Variants in TRIM58 observed in about 807,000 individuals in gnomAD.
The protein encoded by TRIM58 is tripartite motif containing 58.
A neutral mutation model predicts 34.1 loss-of-function variants in TRIM58; 38 were observed. The observed-to-expected ratio is 1.12, with a 90% CI of 0.86 to 1.46. The LOEUF (loss-of-function observed/expected upper bound fraction) is 1.46. Ranked by LOEUF, TRIM58 falls within the 40% of genes most tolerant of loss-of-function variation. The pLI, the probability that TRIM58 is intolerant of heterozygous loss-of-function variation, is 0.00. For missense variants in TRIM58, 677 were observed against 642.0 expected (o/e 1.05, Z -0.59); for synonymous variants, 273 against 275.7 (o/e 0.99, Z 0.10).
At position 247,857,323 on chromosome 1, in the gene TRIM58, C is replaced by T; in HGVS notation, c.77C>T (p.Pro26Leu). ...CPVCLDFLQE[P>L]VSVDCGHSFC... ...GTGTGCCTGGATTTCCTGCAGGAGC[C>T]GGTCAGCGTGGACTGCGGCCACAGC... Residue 26 changes from proline (P) to leucine (L), a missense_variant, in exon 1 of 6, where the codon CCG (proline) becomes CTG (leucine). Physicochemically the swap from Pro to Leu is moderately conservative, Grantham distance 98. Coordinates refer to ENST00000366481, the MANE Select transcript of TRIM58 (RefSeq NM_015431.4). The T allele has an allele frequency of 1.4e-6, 2 of 1,456,726 alleles. No homozygotes were observed. The highest frequency in any genetic ancestry group is 9.1e-7 in the Non-Finnish European group (1 of 1,099,560). The allele number at this position is 1,456,726 out of a possible 1,614,324, so 90.2% of individuals were successfully genotyped here.
At chr1:247,875,286 C>G (rs1311491026) in intron 5 of TRIM58, among the ~76,000 whole-genome samples, 1 of 130,486 alleles carries the variant, frequency 7.7e-6, no homozygotes, top group Non-Finnish European at 1.6e-5. Context: ...TAATAAAATT[C>G]TATAGATTTT....
At chr1:247,857,726 C>A in intron 1 of TRIM58, 60 bp downstream of exon 1, 1 of 1,204,746 alleles carries the variant, frequency 8.3e-7, no homozygotes, top group Non-Finnish European at 1.0e-6. Context: ...GGGCGACAGT[C>A]CGGAGCGGAG....
intron 3 of TRIM58, among the ~76,000 whole-genome samples, chr1:247,865,461 T>A (rs1267948802): frequency 6.6e-6 from 1 of 152,230 alleles, no homozygotes; most frequent in Non-Finnish European, 1.5e-5. Flanking sequence ...AAAGTCTGCA[T>A]AATACATTTC....
chr1:247,863,364 C>G (rs1359727508), intron 2 of TRIM58, among the ~76,000 whole-genome samples: 5 of 151,926 alleles, frequency 3.3e-5, no homozygotes, highest in African/African-American at 1.2e-4. Flanking sequence ...ACGGTGAAAC[C>G]CTGTCTCTAC....
At chr1:247,859,488 A>G (rs60344373) in intron 1 of TRIM58, among the ~76,000 whole-genome samples, 44,057 of 151,888 alleles carry the variant, frequency 0.29, 6,515 homozygotes, top group African/African-American at 0.33. Flanking sequence ...ATAATTTTTT[A>G]ATTAAAATCC....
chr1:247,873,481 A>C (rs1012423946), intron 5 of TRIM58, among the ~76,000 whole-genome samples: 2 of 152,314 alleles, frequency 1.3e-5, no homozygotes, highest in African/African-American at 4.8e-5. Flanking sequence ...AGATTGTGTT[A>C]AATGCACAAT....
In TRIM58 at chr1:247,879,940, C is replaced by G. The variant is rs142631182; in HGVS notation, c.*3451C>G. Among the ~76,000 whole-genome samples the G allele has an allele frequency of 3.1e-3, 469 of 152,004 alleles. 2 individuals are homozygous for G. Among genetic ancestry groups the G allele is most frequent in the African/African-American group, 0.01 (419 of 41,462 alleles). ...TCCCCATACAGTACGTGTCGTCGTA[C>G]TATATTGTTAGGCTTATTTAATTTA... is the stretch of plus-strand genomic sequence containing the variant. On this transcript the variant is annotated 3_prime_UTR_variant, in exon 6 of 6. Transcript: ENST00000366481.
At chr1:247,866,331 C>T (rs144744749) in intron 3 of TRIM58, among the ~76,000 whole-genome samples, 103 of 152,090 alleles carry the variant, frequency 6.8e-4, no homozygotes, top group African/African-American at 2.3e-3. Flanking sequence ...CATGTGCCAC[C>T]GCACCTGGCT....
In TRIM58 at chr1:247,857,582, G is replaced by A. The variant is rs762414807; in HGVS notation, c.336G>A (p.Ala112=). Reference sequence around the variant, plus strand: ...GCCGCTTCTGCGAGGAGGACGAGGCGGCGCTGTGCTGGGTGTGCGACGCCG... The same window carrying A: ...GCCGCTTCTGCGAGGAGGACGAGGCAGCGCTGTGCTGGGTGTGCGACGCCG... The part of the protein sequence containing the change: ...DLSRFCEEDE[A]ALCWVCDAGP... The change falls in exon 1 of 6, where the codon GCG becomes GCA. Residue 112 remains alanine (A), a synonymous_variant. Coordinates refer to ENST00000366481, the MANE Select transcript of TRIM58 (RefSeq NM_015431.4). 30 of 1,264,644 alleles carry A rather than the reference G, an allele frequency of 2.4e-5. No homozygotes were observed. Among genetic ancestry groups the A allele is most frequent in the Middle Eastern group, 3.0e-4 (1 of 3,282 alleles). 78.3% of individuals were successfully genotyped at this position (1,264,644 alleles called of 1,614,324 possible).
chr1:247,864,650 G>A, intron 2 of TRIM58, 55 bp from the exon 3 acceptor site: 3 of 1,578,866 alleles, frequency 1.9e-6, no homozygotes, highest in Non-Finnish European at 2.6e-6. Context: ...GCACTGTCCT[G>A]TACATGGCTG....
intron 2 of TRIM58, 142 bp downstream of exon 2, chr1:247,860,854 G>A (rs1663776292): frequency 1.7e-6 from 1 of 601,602 alleles, no homozygotes; most frequent in African/African-American, 1.9e-5. Context: ...GCCATCCTGG[G>A]TCATCCCGTC....
intron 1 of TRIM58, among the ~76,000 whole-genome samples, chr1:247,858,812 G>A (rs189363129): frequency 2.1e-4 from 30 of 145,418 alleles, no homozygotes; most frequent in African/African-American, 7.3e-4. Flanking sequence ...TCAGGCTGGA[G>A]GGCAGTGGCG....
Position 247,878,884 on chromosome 1 carries a change from A to C in TRIM58, c.*2395A>C, listed in dbSNP as rs1005784365. ...ACCAATGTGAGTCTTCATCTCTTGC[A>C]TTCTTAGGTTCATAGTTTTGTGTGT... On this transcript the variant is annotated 3_prime_UTR_variant, in exon 6 of 6. Transcript: ENST00000366481. Among the ~76,000 whole-genome samples the C allele has an allele frequency of 3.9e-5, 6 of 152,100 alleles. No homozygotes were observed. The highest frequency in any genetic ancestry group is 1.3e-4 in the Admixed American group (2 of 15,274).
chr1:247,875,220 A>T (rs183988425), intron 5 of TRIM58, among the ~76,000 whole-genome samples: 1 of 152,328 alleles, frequency 6.6e-6, no homozygotes, highest in East Asian at 1.9e-4. Flanking sequence ...CATGGGGTCC[A>T]TCTTAGAATT....
intron 1 of TRIM58, among the ~76,000 whole-genome samples, chr1:247,858,207 T>A (rs1663686006): frequency 6.6e-6 from 1 of 152,188 alleles, no homozygotes; most frequent in East Asian, 1.9e-4. Context: ...CCTCCTGAAG[T>A]AGGAGCGGGT....
At chr1:247,869,317 G>GGA (rs1664005869) in intron 5 of TRIM58, among the ~76,000 whole-genome samples, 1 of 152,170 alleles carries the variant, frequency 6.6e-6, no homozygotes. Flanking sequence ...AGAGGTGGGG[G>GGA]GGGGTGAGGC....
chr1:247,873,014 T>C (rs1035734622), intron 5 of TRIM58, among the ~76,000 whole-genome samples: 6 of 152,122 alleles, frequency 3.9e-5, no homozygotes, highest in Non-Finnish European at 8.8e-5. Flanking sequence ...GCAGATCACC[T>C]GAGGTCAGGA....
chr1:247,874,288 A>C (rs1446105770), intron 5 of TRIM58, among the ~76,000 whole-genome samples: 1 of 152,178 alleles, frequency 6.6e-6, no homozygotes, highest in African/African-American at 2.4e-5. Context: ...AGCGTATCAC[A>C]TGGCAAGAGG....
chr1:247,866,658 A>G (rs1663933795), intron 3 of TRIM58, among the ~76,000 whole-genome samples: 2 of 152,170 alleles, frequency 1.3e-5, no homozygotes, highest in African/African-American at 4.8e-5. Flanking sequence ...GCTGGAGTGC[A>G]GTGGCTCAAT....
Sources: gnomAD v4.1 joint callset for allele counts (sites outside exome capture counted in the v4.1 genomes callset) on GRCh38, gnomAD v4.1.1 for gene constraint, MANE v1.5 for transcripts, NCBI Gene and HGNC (gene_info 2026-07-23, HGNC 2026-07-21) for gene names.